ATRNL1: variants seen among roughly 807,000 people sequenced by gnomAD.
The protein encoded by ATRNL1 is attractin-like protein 1.
Under a neutral mutation model 182.7 loss-of-function variants are expected in ATRNL1, and 95 were observed. The ratio of observed to expected loss-of-function variants is 0.52; its 90% confidence interval spans 0.44 to 0.62. The LOEUF is 0.62. ATRNL1 is among the 20% of genes least tolerant of loss of function. The pLI is 0.00. For synonymous variants in ATRNL1, 576 were observed against 568.3 expected (o/e 1.01, Z -0.19); for missense variants, 1,471 against 1,679.5 (o/e 0.88, Z 2.17).
rs182648051 is a variant in ATRNL1, at chr10:115,208,368, A to T, written c.1349-7329A>T. Among the ~76,000 whole-genome samples the T allele has an allele frequency of 3.9e-5, 6 of 152,044 alleles. No individual in the cohort carries two copies. In the East Asian group the frequency reaches 1.2e-3, roughly 29 times the overall value. Reference sequence around the variant, plus strand: ...ATGAATTATATTTCCTTTGCCTTCTATACTTTTTAATTTTTTCATATGTTT... The same window carrying T: ...ATGAATTATATTTCCTTTGCCTTCTTTACTTTTTAATTTTTTCATATGTTT... On this transcript the variant is annotated intron_variant, in intron 8 of 28. Coordinates refer to ENST00000355044, the MANE Select transcript of ATRNL1 (RefSeq NM_207303.4).
chr10:115,528,566 C>G (rs974568339), intron 25 of ATRNL1, among the ~76,000 whole-genome samples: 21 of 151,388 alleles, frequency 1.4e-4, no homozygotes, highest in Non-Finnish European at 3.1e-4. Context: ...TTTTGTTGCT[C>G]TTTTTCAAGA....
chr10:115,603,351 G>A (rs1856711670), intron 26 of ATRNL1, among the ~76,000 whole-genome samples: 1 of 151,884 alleles, frequency 6.6e-6, no homozygotes, highest in African/African-American at 2.4e-5. Context: ...GGGATTTAGG[G>A]GCTTTACATT....
intron 28 of ATRNL1, among the ~76,000 whole-genome samples, chr10:115,918,286 A>T (rs1427623054): frequency 1.9e-4 from 29 of 152,076 alleles, no homozygotes; most frequent in Non-Finnish European, 4.4e-5. Context: ...TATTTGTAGT[A>T]GAGACGGGGT....
chr10:115,537,514 T>C, intron 25 of ATRNL1, among the ~76,000 whole-genome samples: 1 of 152,204 alleles, frequency 6.6e-6, no homozygotes, highest in Non-Finnish European at 1.5e-5. Flanking sequence ...CAATATATTA[T>C]ATGTAAATTA....
chr10:115,485,437 T>C (rs370315323), intron 24 of ATRNL1, among the ~76,000 whole-genome samples: 3 of 152,050 alleles, frequency 2.0e-5, no homozygotes, highest in Non-Finnish European at 4.4e-5. Context: ...TGGTTAAATC[T>C]AGCTAATTAA....
chr10:115,666,757 A>G (rs2420101), intron 26 of ATRNL1, among the ~76,000 whole-genome samples: 147,477 of 152,122 alleles, frequency 0.97, 71,683 homozygotes, highest in East Asian at 1. Flanking sequence ...TTAACCTCTC[A>G]ATATTAAACA....
chr10:115,210,152 A>G (rs1554894671), intron 8 of ATRNL1, among the ~76,000 whole-genome samples: 1 of 152,034 alleles, frequency 6.6e-6, no homozygotes, highest in Non-Finnish European at 1.5e-5. Flanking sequence ...TTTAAAATAA[A>G]CTTTTTATTT....
chr10:115,265,070 A>T (rs1592347954), intron 10 of ATRNL1, 123 bp from the exon 11 acceptor site: 2 of 480,674 alleles, frequency 4.2e-6, no homozygotes, highest in Non-Finnish European at 7.3e-6. Flanking sequence ...ATTAATGAGA[A>T]TTTTTTTTTT....
At chr10:115,366,171 C>T (rs1183646760) in intron 19 of ATRNL1, among the ~76,000 whole-genome samples, 1 of 152,102 alleles carries the variant, frequency 6.6e-6, no homozygotes. Context: ...TTGTAGGTCA[C>T]TCAGGACTTG....
chr10:115,126,709 G>T (rs1844990299), intron 3 of ATRNL1, among the ~76,000 whole-genome samples: 1 of 152,150 alleles, frequency 6.6e-6, no homozygotes, highest in South Asian at 2.1e-4. Context: ...GGGGAATTCA[G>T]TTCTTAGTGG....
intron 19 of ATRNL1, among the ~76,000 whole-genome samples, chr10:115,377,393 G>A (rs928597795): frequency 2.4e-4 from 37 of 152,138 alleles, no homozygotes; most frequent in African/African-American, 8.4e-4. Context: ...CCGCCATGTG[G>A]AACTGTAAGT....
intron 5 of ATRNL1, among the ~76,000 whole-genome samples, chr10:115,138,122 G>A (rs1288681394): frequency 1.3e-5 from 2 of 152,202 alleles, no homozygotes; most frequent in Non-Finnish European, 2.9e-5. Context: ...TCCGGGTCAC[G>A]CTGATGCAAG....
chr10:115,120,955 TA>T (rs1457010203), intron 2 of ATRNL1, among the ~76,000 whole-genome samples: 1 of 152,176 alleles, frequency 6.6e-6, no homozygotes, highest in Non-Finnish European at 1.5e-5. Context: ...AAGGGTTCTG[TA>T]AAAATAAGAA....
chr10:115,932,459 C>T (rs946995554), intron 28 of ATRNL1, among the ~76,000 whole-genome samples: 1 of 152,160 alleles, frequency 6.6e-6, no homozygotes, highest in Non-Finnish European at 1.5e-5. Context: ...TCTGTAATAA[C>T]TTTCAGTAAG....
chr10:115,826,019 C>G (rs1320176360), intron 27 of ATRNL1, among the ~76,000 whole-genome samples: 6 of 152,066 alleles, frequency 3.9e-5, no homozygotes, highest in African/African-American at 1.4e-4. Flanking sequence ...ATTAATTAAG[C>G]TTTTGGTCAT....
chr10:115,499,043 G>C (rs1392427543), intron 24 of ATRNL1, among the ~76,000 whole-genome samples: 1 of 152,004 alleles, frequency 6.6e-6, no homozygotes, highest in Non-Finnish European at 1.5e-5. Context: ...AGCAAAAATT[G>C]CTATTATGAA....
At chr10:115,849,501 G>C (rs1364954647) in intron 28 of ATRNL1, among the ~76,000 whole-genome samples, 3 of 152,180 alleles carry the variant, frequency 2.0e-5, no homozygotes, top group African/African-American at 7.2e-5. Context: ...AACCTTTGAA[G>C]TCCTTTTTGA....
intron 27 of ATRNL1, among the ~76,000 whole-genome samples, chr10:115,766,612 C>G (rs1286561228): frequency 6.6e-6 from 1 of 152,182 alleles, no homozygotes; most frequent in African/African-American, 2.4e-5. Flanking sequence ...AACAAATCCC[C>G]AGCACTGTAC....
At chr10:115,321,499 T>C (rs1183929486) in intron 18 of ATRNL1, among the ~76,000 whole-genome samples, 3 of 152,138 alleles carry the variant, frequency 2.0e-5, no homozygotes, top group Non-Finnish European at 4.4e-5. Flanking sequence ...CTTTCTTATT[T>C]GTGTCCTTGC....
Sources: gnomAD v4.1 joint callset for allele counts (sites outside exome capture counted in the v4.1 genomes callset) on GRCh38, gnomAD v4.1.1 for gene constraint, MANE v1.5 for transcripts, NCBI Gene and HGNC (gene_info 2026-07-23, HGNC 2026-07-21) for gene names.